LPP: variants seen among roughly 807,000 people sequenced by gnomAD.
LPP encodes lipoma-preferred partner.
Under a neutral mutation model 60.4 loss-of-function variants are expected in LPP, and 38 were observed. The observed-to-expected ratio is 0.63, with a 90% confidence interval of 0.49 to 0.83. LPP has a LOEUF of 0.83. Ranked by LOEUF, LPP falls within the 40% of genes least tolerant of loss-of-function variation. The pLI, the probability that LPP is intolerant of heterozygous loss-of-function variation, is 0.00. For synonymous variants in LPP, 328 were observed against 290.8 expected (o/e 1.13, Z -1.30); for missense variants, 902 against 783.6 (o/e 1.15, Z -1.80).
chr3:188,663,012 T>G (rs6796061), intron 7 of LPP, among the ~76,000 whole-genome samples: 1 of 152,214 alleles, frequency 6.6e-6, no homozygotes, highest in Non-Finnish European at 1.5e-5. Flanking sequence ...ACTTCTGAAC[T>G]GAATGGAATG....
chr3:188,245,854 C>A (rs964691026), intron 2 of LPP, among the ~76,000 whole-genome samples: 14 of 152,060 alleles, frequency 9.2e-5, no homozygotes, highest in Admixed American at 2.6e-4. Flanking sequence ...GCCCTGCTTT[C>A]ACAAAAAACA....
chr3:188,459,851 C>G (rs895474326), intron 4 of LPP, among the ~76,000 whole-genome samples: 6 of 151,554 alleles, frequency 4.0e-5, no homozygotes, highest in African/African-American at 1.5e-4. Context: ...GGGGGGGGTT[C>G]TTTGTTCTGA....
chr3:188,343,849 A>G (rs1407215674), intron 3 of LPP, among the ~76,000 whole-genome samples: 3 of 152,228 alleles, frequency 2.0e-5, no homozygotes, highest in Non-Finnish European at 4.4e-5. Flanking sequence ...AATAATTGGT[A>G]TCAGTGGCAG....
At chr3:188,564,611 A>C (rs970879470) in intron 6 of LPP, among the ~76,000 whole-genome samples, 5 of 151,958 alleles carry the variant, frequency 3.3e-5, no homozygotes, top group African/African-American at 1.2e-4. Flanking sequence ...TGCAGGAACC[A>C]AGATGTGCTT....
chr3:188,224,264 C>T (rs1301438142), intron 1 of LPP, among the ~76,000 whole-genome samples: 1 of 152,054 alleles, frequency 6.6e-6, no homozygotes, highest in Non-Finnish European at 1.5e-5. Context: ...AAAATCCCTC[C>T]CAACTTTGAA....
intron 2 of LPP, among the ~76,000 whole-genome samples, chr3:188,252,170 C>CATAT (rs10609191): frequency 0.023 from 2,306 of 101,622 alleles, 41 homozygotes; most frequent in East Asian, 0.046. Context: ...CTTCCCCAAA[C>CATAT]ATATATATAT....
intron 9 of LPP, among the ~76,000 whole-genome samples, chr3:188,817,800 A>G (rs1428711390): frequency 6.6e-6 from 1 of 152,218 alleles, no homozygotes; most frequent in Non-Finnish European, 1.5e-5. Context: ...GAGGTGGAGA[A>G]ACAGATACTA....
intron 9 of LPP, among the ~76,000 whole-genome samples, chr3:188,786,901 G>A (rs1032698444): frequency 6.6e-6 from 1 of 152,182 alleles, no homozygotes; most frequent in Non-Finnish European, 1.5e-5. Flanking sequence ...GAACAGATTA[G>A]TGTTTGTCAG....
At chr3:188,173,292 G>A (rs1191389170) in intron 1 of LPP, among the ~76,000 whole-genome samples, 1 of 152,156 alleles carries the variant, frequency 6.6e-6, no homozygotes, top group African/African-American at 2.4e-5. Context: ...CCTGAGGTCA[G>A]GAGTTCGAGG....
intron 9 of LPP, among the ~76,000 whole-genome samples, chr3:188,860,942 A>T (rs1404045053): frequency 1.3e-5 from 2 of 152,204 alleles, no homozygotes; most frequent in Non-Finnish European, 2.9e-5. Flanking sequence ...TAGCAGAGAG[A>T]GTCTCCATTG....
chr3:188,763,961 T>C (rs2150544859), intron 9 of LPP, among the ~76,000 whole-genome samples: 1 of 152,262 alleles, frequency 6.6e-6, no homozygotes, highest in South Asian at 2.1e-4. Flanking sequence ...AATGAAACTA[T>C]ATGTTAAAAT....
intron 5 of LPP, among the ~76,000 whole-genome samples, chr3:188,486,858 AAATAAAACC>A (rs1806702744): frequency 6.6e-6 from 1 of 152,232 alleles, no homozygotes; most frequent in Non-Finnish European, 1.5e-5. Flanking sequence ...AACCTTTGGC[AAATAAAACC>A]AATATGAGTG....
At chr3:188,278,598 C>T (rs1740831545) in intron 2 of LPP, among the ~76,000 whole-genome samples, 1 of 151,906 alleles carries the variant, frequency 6.6e-6, no homozygotes. Context: ...CATTTGCTTT[C>T]CCGTCAGTGG....
intron 6 of LPP, among the ~76,000 whole-genome samples, chr3:188,551,035 A>G (rs1236076050): frequency 1.3e-5 from 2 of 152,212 alleles, no homozygotes; most frequent in Non-Finnish European, 2.9e-5. Context: ...TGCCCAAACT[A>G]TTAACTCATG....
chr3:188,781,653 G>T (rs1362765274), intron 9 of LPP, among the ~76,000 whole-genome samples: 2 of 151,832 alleles, frequency 1.3e-5, no homozygotes, highest in Non-Finnish European at 2.9e-5. Context: ...GGAGGCCGAG[G>T]TGGGTGGATC....
chr3:188,476,654 T>A (rs1038169925), intron 4 of LPP, among the ~76,000 whole-genome samples: 19 of 152,210 alleles, frequency 1.2e-4, no homozygotes, highest in African/African-American at 4.3e-4. Flanking sequence ...TTTAATTAAT[T>A]TGTTAGCAAC....
intron 9 of LPP, among the ~76,000 whole-genome samples, chr3:188,837,365 T>A (rs186818667): frequency 3.8e-4 from 54 of 142,138 alleles, no homozygotes; most frequent in African/African-American, 1.4e-3. Context: ...GGTGACAGAA[T>A]GAGACTCCAT....
chr3:188,434,915 G>A (rs1367293366), intron 4 of LPP, among the ~76,000 whole-genome samples: 3 of 152,126 alleles, frequency 2.0e-5, no homozygotes, highest in Non-Finnish European at 4.4e-5. Flanking sequence ...AGGAATGATA[G>A]ACTTCCTACT....
Position 188,609,355 on chromosome 3 carries a change from C to T in LPP, c.624C>T (p.Ala208=), listed in dbSNP as rs80139095. The change falls in exon 7 of 12, where the codon GCC becomes GCT. Residue 208 remains alanine, a synonymous_variant. Transcript: ENST00000617246. This position sits in a 1 kb window ranked among gnomAD's most constrained non-coding sequence, Gnocchi z 6.9. The stretch of plus-strand genomic sequence containing the variant: ...AACCCCAGCCTCAGCCAGTCCCAGC[C>T]TCCTACACCACGGCCTCCACTTCTT... The part of the protein sequence containing the change: ...TLKPQPQPVP[A]SYTTASTSSR... 15 of 1,614,028 alleles carry T rather than the reference C, an allele frequency of 9.3e-6. No homozygotes were observed. In the East Asian group the frequency reaches 2.7e-4, roughly 29 times the overall value.
Sources: allele counts gnomAD v4.1 joint callset (sites outside exome capture counted in the v4.1 genomes callset), GRCh38; gene constraint gnomAD v4.1.1; non-coding constraint Gnocchi (gnomAD v3.1); transcripts MANE v1.5; gene names NCBI Gene and HGNC (gene_info 2026-07-23, HGNC 2026-07-21).